DNAH11: variants seen among roughly 807,000 people sequenced by gnomAD.
DNAH11 encodes the protein dynein axonemal heavy chain 11, also known as axonemal beta dynein heavy chain 11.
Under a neutral mutation model 526.0 loss-of-function variants are expected in DNAH11, and 442 were observed. That is an observed-to-expected ratio of 0.84 (90% CI 0.78 to 0.91). The LOEUF (loss-of-function observed/expected upper bound fraction) is 0.91, where lower values mean the gene tolerates loss of function less well. Among genes scored for constraint, DNAH11 ranks in the 40% least tolerant of loss-of-function variants. The probability of loss-of-function intolerance (pLI) is 0.00; values close to 1 mark genes in which losing one functional copy is unlikely to be tolerated. For synonymous variants in DNAH11, 2,461 were observed against 1,935.9 expected (o/e 1.27, Z -7.12); for missense variants, 6,989 against 5,448.7 (o/e 1.28, Z -8.90).
Position 21,899,348 on chromosome 7 carries a change from C to G in DNAH11, c.13062C>G (p.Leu4354=). 1 of 1,614,016 alleles carries G rather than the reference C, an allele frequency of 6.2e-7. No individual in the cohort carries two copies. Among genetic ancestry groups the G allele is most frequent in the Non-Finnish European group, 8.5e-7 (1 of 1,179,870 alleles). ...TCCCATAAACCAGGTTCAATGACCT[C>G]CTCCTGCGATGCCGAGAACTCGATA... The part of the protein sequence containing the change: ...TYGLAQWFND[L]LLRCRELDTW... Residue 4354 remains leucine (L), a synonymous_variant, in exon 80 of 82, where the codon CTC becomes CTG. Coordinates refer to ENST00000409508, the MANE Select transcript of DNAH11 (RefSeq NM_001277115.2).
chr7:21,632,232 C>T (rs569745944), intron 25 of DNAH11, among the ~76,000 whole-genome samples: 1 of 152,210 alleles, frequency 6.6e-6, no homozygotes, highest in African/African-American at 2.4e-5. Context: ...CAGGAAACCC[C>T]TTTTTCCTCT....
intron 22 of DNAH11, among the ~76,000 whole-genome samples, chr7:21,617,109 C>G (rs997110651): frequency 6.6e-6 from 1 of 152,144 alleles, no homozygotes; most frequent in Admixed American, 6.5e-5. Context: ...TTCACAATTG[C>G]TGATGTTTTT....
intron 65 of DNAH11, among the ~76,000 whole-genome samples, chr7:21,841,473 CTG>C (rs1313923718): frequency 2.0e-5 from 3 of 152,158 alleles, no homozygotes; most frequent in Non-Finnish European, 2.9e-5. Flanking sequence ...GGACCACTGT[CTG>C]TGTGGAGTTT....
chr7:21,651,057 A>G (rs957641829), intron 28 of DNAH11, among the ~76,000 whole-genome samples: 2 of 152,066 alleles, frequency 1.3e-5, no homozygotes, highest in Non-Finnish European at 2.9e-5. Flanking sequence ...ATTCTAGAGA[A>G]TATCATCCAC....
At chr7:21,569,651 G>T (rs1783804562) in intron 6 of DNAH11, among the ~76,000 whole-genome samples, 1 of 152,104 alleles carries the variant, frequency 6.6e-6, no homozygotes, top group Non-Finnish European at 1.5e-5. Context: ...TTTACAAGTG[G>T]TCCTGAACTA....
rs1479197164 is a variant in DNAH11, at chr7:21,561,093, A to C, written c.905A>C (p.Lys302Thr). ...YDQLQAPVVL[K>T]MVKILTTKQS... Reference sequence around the variant, plus strand: ...TAGCTTCAGGCACCTGTTGTCCTCAAAATGGTTAAGATCCTGACAACTAAA... The same window carrying C: ...TAGCTTCAGGCACCTGTTGTCCTCACAATGGTTAAGATCCTGACAACTAAA... The change falls in exon 5 of 82, where the codon AAA becomes ACA. Residue 302 changes from lysine (K) to threonine (T), a missense_variant. Coordinates refer to ENST00000409508, the MANE Select transcript of DNAH11 (RefSeq NM_001277115.2). 3.1e-6 allele frequency: 5 copies of C among 1,601,796 alleles called. No individual in the cohort carries two copies. In the Admixed American group the frequency reaches 6.8e-5, roughly 22 times the overall value.
In DNAH11 at chr7:21,888,997, C is replaced by T. The variant is rs1412027011; in HGVS notation, c.12508-3428C>T. ...AAGTTTTAGAACAGTTTATTACCCA[C>T]GCCCCACCCACCCAAAAAAAAAAAC... is the stretch of plus-strand genomic sequence containing the variant. On this transcript the variant is annotated intron_variant, in intron 76 of 81. Transcript: ENST00000409508. 6.8e-5 allele frequency among the ~76,000 whole-genome samples: 10 copies of T among 146,056 alleles called. 1 individual carries two copies. The highest frequency in any genetic ancestry group is 9.8e-5 in the African/African-American group (4 of 40,758).
Position 21,900,909 on chromosome 7 carries a change from C to G in DNAH11, c.13304-98C>G, listed in dbSNP as rs1784778094. ...ACTGACAAGCAAAAATATGACAAAA[C>G]CAGAATGTTGAATGTTTATTGCATC... On this transcript the variant is annotated intron_variant, in intron 81 of 81. Transcript: ENST00000409508. 3.4e-6 allele frequency: 5 copies of G among 1,475,370 alleles called. No homozygotes were observed. In the Admixed American group the frequency reaches 7.2e-5, roughly 21 times the overall value. The allele number at this position is 1,475,370 out of a possible 1,614,324, so 91.4% of individuals were successfully genotyped here.
At chr7:21,661,826 AT>A (rs1010247122) in intron 30 of DNAH11, among the ~76,000 whole-genome samples, 13 of 149,698 alleles carry the variant, frequency 8.7e-5, no homozygotes, top group Admixed American at 2.0e-4. Context: ...GGAAAATACT[AT>A]TTTTTTTTTG....
intron 25 of DNAH11, among the ~76,000 whole-genome samples, chr7:21,622,684 C>G (rs1786130642): frequency 2.0e-5 from 3 of 152,146 alleles, no homozygotes; most frequent in Admixed American, 1.3e-4. Flanking sequence ...ACTATCTGAT[C>G]TTTGACAAAC....
At chr7:21,768,594 A>G (rs1360193345) in intron 55 of DNAH11, among the ~76,000 whole-genome samples, 6 of 152,206 alleles carry the variant, frequency 3.9e-5, no homozygotes, top group Non-Finnish European at 8.8e-5. Flanking sequence ...GTGCCACTTA[A>G]AAGTAATGAC....
At chr7:21,574,866 G>GTTT (rs1784025117) in intron 8 of DNAH11, among the ~76,000 whole-genome samples, 2 of 102,654 alleles carry the variant, frequency 1.9e-5, no homozygotes, top group African/African-American at 3.7e-5. Flanking sequence ...ACTGCACTGG[G>GTTT]CTTTTTTTTT....
chr7:21,775,687 C>G (rs541021321), intron 56 of DNAH11, among the ~76,000 whole-genome samples: 1 of 152,064 alleles, frequency 6.6e-6, no homozygotes, highest in African/African-American at 2.4e-5. Context: ...TAACTTTTGC[C>G]CCTCTCCATG....
At chr7:21,726,325 C>T (rs776739609) in intron 45 of DNAH11, among the ~76,000 whole-genome samples, 1 of 152,044 alleles carries the variant, frequency 6.6e-6, no homozygotes, top group East Asian at 1.9e-4. Context: ...GAAACTGCCC[C>T]CATGACCCAA....
rs528303706 is a variant in DNAH11, at chr7:21,823,297, C to G, written c.10691+4958C>G. On this transcript the variant is annotated intron_variant, in intron 65 of 81. Transcript: ENST00000409508. ...TTCCCCCCTCGGTTTTTTCCTAAGC[C>G]TCATTTGTTTCCCCATCAATGTTTT... 5.3e-5 allele frequency among the ~76,000 whole-genome samples: 8 copies of G among 151,924 alleles called. 1 individual carries two copies. Among genetic ancestry groups the G allele is most frequent in the Non-Finnish European group, 1.2e-4 (8 of 67,962 alleles).
intron 46 of DNAH11, among the ~76,000 whole-genome samples, chr7:21,736,234 T>C (rs529939720): frequency 6.6e-5 from 10 of 152,314 alleles, no homozygotes; most frequent in Non-Finnish European, 1.3e-4. Flanking sequence ...AAAACTGTGT[T>C]GAGTAAATGA....
At chr7:21,836,190 C>T (rs575416095) in intron 65 of DNAH11, among the ~76,000 whole-genome samples, 34 of 152,076 alleles carry the variant, frequency 2.2e-4, no homozygotes, top group African/African-American at 7.2e-4. Context: ...GTGATCTACA[C>T]GTTCAATGTA....
At chr7:21,625,147 G>C (rs974658623) in intron 25 of DNAH11, among the ~76,000 whole-genome samples, 2 of 151,890 alleles carry the variant, frequency 1.3e-5, no homozygotes, top group East Asian at 3.9e-4. Context: ...GAATTCCACC[G>C]TGAAGCCCTC....
intron 30 of DNAH11, among the ~76,000 whole-genome samples, chr7:21,664,041 C>T (rs113964975): frequency 0.012 from 1,834 of 151,942 alleles, 36 homozygotes; most frequent in African/African-American, 0.042. Flanking sequence ...TACATTCCCA[C>T]CAACAGTGTA....
Sources: allele counts gnomAD v4.1 joint callset (sites outside exome capture counted in the v4.1 genomes callset), GRCh38; gene constraint gnomAD v4.1.1; transcripts MANE v1.5; gene names NCBI Gene and HGNC (gene_info 2026-07-23, HGNC 2026-07-21).